Variants in FHIT observed in about 807,000 individuals in gnomAD.
The protein encoded by FHIT is fragile histidine triad diadenosine triphosphatase.
A neutral mutation model predicts 17.9 loss-of-function variants in FHIT; 19 were observed. The observed-to-expected ratio is 1.06, with a 90% CI of 0.74 to 1.56. FHIT has a LOEUF of 1.56. Among genes scored for constraint, FHIT ranks in the 40% most tolerant of loss-of-function variants. The pLI is 0.00. For synonymous variants in FHIT, 81 were observed against 69.7 expected (o/e 1.16, Z -0.81); for missense variants, 248 against 189.2 (o/e 1.31, Z -1.82).
intron 5 of FHIT, among the ~76,000 whole-genome samples, chr3:60,041,865 A>G (rs2106835454): frequency 6.6e-6 from 1 of 152,366 alleles, no homozygotes; most frequent in Non-Finnish European, 1.5e-5. Context: ...CCAAAAATCT[A>G]TTTAAAAAAT....
At chr3:59,864,665 C>T (rs1408300993) in intron 8 of FHIT, among the ~76,000 whole-genome samples, 1 of 151,642 alleles carries the variant, frequency 6.6e-6, no homozygotes, top group Non-Finnish European at 1.5e-5. Flanking sequence ...TCTTTGTTCT[C>T]ATGAACTGGT....
chr3:60,806,353 G>C (rs1701386953), intron 4 of FHIT, among the ~76,000 whole-genome samples: 1 of 152,118 alleles, frequency 6.6e-6, no homozygotes, highest in African/African-American at 2.4e-5. Context: ...GGCTCACTTT[G>C]GTCCTTCTAG....
At chr3:59,906,849 A>G (rs1234363102) in intron 8 of FHIT, among the ~76,000 whole-genome samples, 1 of 152,216 alleles carries the variant, frequency 6.6e-6, no homozygotes, top group Non-Finnish European at 1.5e-5. Flanking sequence ...GGGAGCTCAC[A>G]TTCCATCTGG....
chr3:60,338,273 T>C (rs905295690), intron 5 of FHIT, among the ~76,000 whole-genome samples: 1 of 152,236 alleles, frequency 6.6e-6, no homozygotes, highest in African/African-American at 2.4e-5. Context: ...TAACAGTGTA[T>C]GATAAAGCAT....
At chr3:60,354,025 T>C (rs965123019) in intron 5 of FHIT, among the ~76,000 whole-genome samples, 2 of 152,088 alleles carry the variant, frequency 1.3e-5, no homozygotes, top group African/African-American at 2.4e-5. Flanking sequence ...GTAGGATTTT[T>C]CTATCACGAT....
intron 7 of FHIT, among the ~76,000 whole-genome samples, chr3:60,004,075 C>T (rs1699830051): frequency 6.6e-6 from 1 of 152,160 alleles, no homozygotes; most frequent in Non-Finnish European, 1.5e-5. Context: ...AGCAAAATGA[C>T]AACAGTGAGT....
At position 60,129,056 on chromosome 3, in the gene FHIT, T is replaced by TTG. The variant is rs1235380700; in HGVS notation, c.104-114905_104-114904insCA. ...TTTCTTCTTTCCTTTTTTGTTTGTT[T>TTG]TTTTTTTTTTTTTTGAAACAGAGTC... On this transcript the variant is annotated intron_variant, in intron 5 of 9. Transcript: ENST00000492590. Among the ~76,000 whole-genome samples, 204 of 144,768 alleles carry TTG rather than the reference T, an allele frequency of 1.4e-3. 5 individuals are homozygous for TTG. The highest frequency in any genetic ancestry group is 0.01 in the Middle Eastern group (3 of 288). 95.0% of individuals were successfully genotyped at this position (144,768 alleles called of 152,430 possible).
intron 3 of FHIT, among the ~76,000 whole-genome samples, chr3:61,002,807 T>C (rs935376218): frequency 6.6e-6 from 1 of 152,148 alleles, no homozygotes; most frequent in Admixed American, 6.5e-5. Flanking sequence ...TGCAAACCCA[T>C]CTCAGATGCC....
At chr3:60,554,020 G>A (rs188189505) in intron 4 of FHIT, among the ~76,000 whole-genome samples, 5 of 152,226 alleles carry the variant, frequency 3.3e-5, no homozygotes, top group East Asian at 1.9e-4. Context: ...CCAGTGGGCA[G>A]AGGTTGCAGT....
intron 5 of FHIT, among the ~76,000 whole-genome samples, chr3:60,081,509 G>T (rs2052084631): frequency 2.0e-5 from 3 of 152,040 alleles, no homozygotes. Context: ...TTAGTAATAA[G>T]GTTCTGTTCA....
chr3:61,040,368 T>C (rs1429127642), intron 3 of FHIT, among the ~76,000 whole-genome samples: 1 of 152,186 alleles, frequency 6.6e-6, no homozygotes, highest in Non-Finnish European at 1.5e-5. Context: ...AAACCTTATT[T>C]TGCACAAAGA....
intron 7 of FHIT, among the ~76,000 whole-genome samples, chr3:59,985,420 T>C (rs2630191): frequency 0.16 from 24,065 of 152,148 alleles, 2,135 homozygotes; most frequent in East Asian, 0.37. Flanking sequence ...TACACTTGTA[T>C]AGAAAGTAAC....
intron 4 of FHIT, among the ~76,000 whole-genome samples, chr3:60,713,008 A>G (rs2041580844): frequency 6.6e-6 from 1 of 151,666 alleles, no homozygotes; most frequent in African/African-American, 2.4e-5. Flanking sequence ...CTGTTCTAAA[A>G]TTGACCACAT....
chr3:59,894,715 C>A (rs1169439147), intron 8 of FHIT, among the ~76,000 whole-genome samples: 1 of 152,178 alleles, frequency 6.6e-6, no homozygotes, highest in East Asian at 1.9e-4. Flanking sequence ...ATTTTCAGGG[C>A]ATTGCAAAGT....
intron 4 of FHIT, among the ~76,000 whole-genome samples, chr3:60,649,989 C>G (rs1553687830): frequency 2.6e-5 from 4 of 152,150 alleles, no homozygotes; most frequent in African/African-American, 9.7e-5. Flanking sequence ...GGTACATCTT[C>G]TCAAAGAGGG....
chr3:61,151,669 G>A (rs1315048686), intron 2 of FHIT, among the ~76,000 whole-genome samples: 1 of 151,302 alleles, frequency 6.6e-6, no homozygotes, highest in Non-Finnish European at 1.5e-5. Flanking sequence ...TCCCTCCTGG[G>A]TTCAAGTGAT....
At chr3:60,323,263 T>TA (rs1387337040) in intron 5 of FHIT, among the ~76,000 whole-genome samples, 1 of 152,124 alleles carries the variant, frequency 6.6e-6, no homozygotes, top group Non-Finnish European at 1.5e-5. Flanking sequence ...TGATGATATC[T>TA]ACATAACGTC....
intron 4 of FHIT, chr3:60,553,520 TAGAGAGAGAGAGAG>T (rs2036636560): frequency 2.0e-5 from 3 of 146,836 alleles, no homozygotes; most frequent in African/African-American, 8.3e-5. Context: ...TATATATATA[TAGAGAGAGAGAGAG>T]GGAGAGAGAG....
At chr3:60,237,685 C>T (rs941432248) in intron 5 of FHIT, among the ~76,000 whole-genome samples, 3 of 152,148 alleles carry the variant, frequency 2.0e-5, no homozygotes, top group South Asian at 2.1e-4. Context: ...TACTTGCATT[C>T]GGTTTGCAGT....
Sources: allele counts gnomAD v4.1 joint callset (sites outside exome capture counted in the v4.1 genomes callset), GRCh38; gene constraint gnomAD v4.1.1; transcripts MANE v1.5; gene names NCBI Gene and HGNC (gene_info 2026-07-23, HGNC 2026-07-21).